Variants in WDR49 observed in about 807,000 individuals in gnomAD.
WDR49 encodes cilia- and flagella-associated protein 337.
In WDR49, 107 loss-of-function variants were observed where a neutral mutation model predicts 119.5. The observed-to-expected ratio is 0.90, with a 90% CI of 0.77 to 1.05. WDR49 has a LOEUF of 1.05. Ranked by LOEUF, WDR49 falls within the 50% of genes least tolerant of loss-of-function variation. The probability of loss-of-function intolerance (pLI) is 0.00; values close to 1 mark genes in which losing one functional copy is unlikely to be tolerated. For missense variants in WDR49, 1,240 were observed against 1,220.5 expected (o/e 1.02, Z -0.24); for synonymous variants, 425 against 418.8 (o/e 1.01, Z -0.18).
intron 10 of WDR49, among the ~76,000 whole-genome samples, chr3:167,549,381 C>T (rs1712408089): frequency 6.6e-6 from 1 of 152,164 alleles, no homozygotes; most frequent in Non-Finnish European, 1.5e-5. Context: ...TAACGATAGC[C>T]ATTCTAACTG....
chr3:167,653,083 T>G (rs1266115619), intron 2 of WDR49, among the ~76,000 whole-genome samples, 178 bp downstream of exon 2: 1 of 152,198 alleles, frequency 6.6e-6, no homozygotes, highest in African/African-American at 2.4e-5. Context: ...CCCAAAGAAC[T>G]GAGGGGCAAA....
At chr3:167,524,018 G>A (rs1439658925) in intron 15 of WDR49, among the ~76,000 whole-genome samples, 1 of 152,152 alleles carries the variant, frequency 6.6e-6, no homozygotes, top group Non-Finnish European at 1.5e-5. Context: ...CACCAACAGT[G>A]TAAAAGCATT....
chr3:167,522,224 T>A (rs1283136459), intron 16 of WDR49, 91 bp downstream of exon 16: 1 of 1,311,948 alleles, frequency 7.6e-7, no homozygotes, highest in Non-Finnish European at 1.0e-6. Flanking sequence ...CATTGAACAT[T>A]CCACAGAGGA....
intron 7 of WDR49, among the ~76,000 whole-genome samples, chr3:167,595,857 A>G (rs1438798067): frequency 6.6e-6 from 1 of 151,756 alleles, no homozygotes; most frequent in East Asian, 1.9e-4. Context: ...ACAAAAGCCA[A>G]GATTGACAAA....
At chr3:167,485,111 C>T (rs943438497) in intron 18 of WDR49, among the ~76,000 whole-genome samples, 1 of 152,110 alleles carries the variant, frequency 6.6e-6, no homozygotes, top group Non-Finnish European at 1.5e-5. Context: ...CCAAACACCA[C>T]ATGTTCTCAC....
At chr3:167,545,341 T>A (rs1036005605) in intron 10 of WDR49, among the ~76,000 whole-genome samples, 14 of 151,490 alleles carry the variant, frequency 9.2e-5, no homozygotes, top group African/African-American at 3.4e-4. Context: ...AATCCCACTA[T>A]GGGGTATCTC....
At chr3:167,634,553 C>T (rs1457228799) in intron 2 of WDR49, among the ~76,000 whole-genome samples, 1 of 151,788 alleles carries the variant, frequency 6.6e-6, no homozygotes, top group Admixed American at 6.6e-5. Context: ...ACAGTCAGTT[C>T]TAGTGAGCTG....
chr3:167,532,315 C>T (rs1752877364), intron 12 of WDR49, among the ~76,000 whole-genome samples: 1 of 151,998 alleles, frequency 6.6e-6, no homozygotes, highest in African/African-American at 2.4e-5. Context: ...TCTAAGGAAA[C>T]TGAAATAAAA....
chr3:167,527,749 A>C (rs1268299920), intron 15 of WDR49, 71 bp downstream of exon 15: 69 of 1,439,444 alleles, frequency 4.8e-5, no homozygotes, highest in Non-Finnish European at 5.5e-5. Context: ...ATGAGATTCA[A>C]ATAGAAATCA....
At chr3:167,575,058 G>T in intron 8 of WDR49, 1 of 985,388 alleles carries the variant, frequency 1.0e-6, no homozygotes, top group Non-Finnish European at 1.2e-6. Context: ...TGTGAATGCA[G>T]AAGCTTCTGC....
intron 2 of WDR49, among the ~76,000 whole-genome samples, chr3:167,637,356 C>T (rs141456722): frequency 7.2e-5 from 11 of 151,984 alleles, no homozygotes; most frequent in Non-Finnish European, 1.6e-4. Flanking sequence ...GTCTATGTGC[C>T]TATTTTTATA....
intron 7 of WDR49, among the ~76,000 whole-genome samples, chr3:167,580,641 C>A (rs916402371): frequency 6.6e-6 from 1 of 152,074 alleles, no homozygotes; most frequent in Non-Finnish European, 1.5e-5. Flanking sequence ...TAATTGTATT[C>A]CCCTTCTTTT....
chr3:167,619,968 CA>C (rs551189229), intron 5 of WDR49, among the ~76,000 whole-genome samples: 175 of 140,158 alleles, frequency 1.2e-3, no homozygotes, highest in Middle Eastern at 7.5e-3. Context: ...GTCATTACAT[CA>C]AAAAAAAAAA....
At chr3:167,568,299 T>C (rs1271413146) in intron 8 of WDR49, among the ~76,000 whole-genome samples, 4 of 152,226 alleles carry the variant, frequency 2.6e-5, no homozygotes, top group African/African-American at 9.6e-5. Context: ...AAACTATCCT[T>C]TGCTGGCATT....
intron 17 of WDR49, among the ~76,000 whole-genome samples, chr3:167,504,807 G>A (rs1321844070): frequency 6.6e-6 from 1 of 152,098 alleles, no homozygotes; most frequent in Non-Finnish European, 1.5e-5. Flanking sequence ...TTCAGGTCAT[G>A]AGGGTGGATC....
intron 7 of WDR49, among the ~76,000 whole-genome samples, chr3:167,597,333 AG>A (rs1184850689): frequency 2.0e-5 from 3 of 152,246 alleles, no homozygotes; most frequent in African/African-American, 7.2e-5. Context: ...GTTGAGTTTT[AG>A]GAGCCTCTGC....
In WDR49 at chr3:167,653,280, T is replaced by G. The variant is rs1718475619; in HGVS notation, c.146A>C (p.Lys49Thr). 1 of 1,536,060 alleles carries G rather than the reference T, an allele frequency of 6.5e-7. No homozygotes were observed. Among genetic ancestry groups the G allele is most frequent in the South Asian group, 1.2e-5 (1 of 84,064 alleles). ...ACTTACCTCAAAGGCCTTCTGTATT[T>G]TTACAAAGTCACCCACGCTGAGTTG... ...ENQLSVGDFV[K>T]IQKAFESPQP... Residue 49 changes from lysine (K) to threonine (T), a missense_variant, in exon 2 of 19, where the codon AAA (lysine) becomes ACA (threonine). Lys to Thr is a moderately conservative substitution (Grantham distance 78). Transcript: ENST00000682715.
At chr3:167,547,509 C>T (rs955831768) in intron 10 of WDR49, among the ~76,000 whole-genome samples, 2 of 151,444 alleles carry the variant, frequency 1.3e-5, no homozygotes, top group Admixed American at 6.6e-5. Flanking sequence ...AAGATCATGA[C>T]CAAGACAAAG....
chr3:167,520,858 G>A (rs961984437), intron 16 of WDR49, among the ~76,000 whole-genome samples: 22 of 152,024 alleles, frequency 1.4e-4, no homozygotes, highest in Non-Finnish European at 2.1e-4. Context: ...CAAAGGATGC[G>A]GAAACTATAA....
Sources: allele counts gnomAD v4.1 joint callset (sites outside exome capture counted in the v4.1 genomes callset), GRCh38; gene constraint gnomAD v4.1.1; transcripts MANE v1.5; gene names NCBI Gene and HGNC (gene_info 2026-07-23, HGNC 2026-07-21).